The following PPP1R3A variants were observed in gnomAD, a reference collection of about 807,000 sequenced individuals.
PPP1R3A encodes the protein protein phosphatase 1 regulatory subunit 3A.
In PPP1R3A, 29 loss-of-function variants were observed where a neutral mutation model predicts 41.7. The ratio of observed to expected loss-of-function variants is 0.70; its 90% CI spans 0.52 to 0.95. PPP1R3A has a LOEUF of 0.95. Among genes scored for constraint, PPP1R3A ranks in the 40% least tolerant of loss-of-function variants. PPP1R3A has a pLI of 0.00. For missense variants in PPP1R3A, 1,352 were observed against 1,292.4 expected, an observed-to-expected ratio of 1.05 and a Z score of -0.71; for synonymous variants, 485 against 453.4, an observed-to-expected ratio of 1.07 and a Z score of -0.89.
chr7:113,904,108 G>A (rs1247891260), intron 1 of PPP1R3A, among the ~76,000 whole-genome samples: 17 of 151,666 alleles, frequency 1.1e-4, no homozygotes, highest in Admixed American at 1.1e-3. Flanking sequence ...AACTTCTCAT[G>A]TGTACAAATA....
Position 113,877,982 on chromosome 7 carries a change from G to C in PPP1R3A, c.3110C>G (p.Ser1037Ter), listed in dbSNP as rs145569602. 33 of 1,613,346 alleles carry C rather than the reference G, an allele frequency of 2.0e-5. No individual in the cohort carries two copies. In the African/African-American group the frequency reaches 3.9e-4, roughly 19 times the overall value. ...TTCCTTTTCACCTGAAGTGTATAGT[G>C]ATTGCCCAGAGCTTACTAATCCTTC... ...ENEGLVSSGQ[S>*]LYTSGEKESD... is the part of the protein sequence containing the mutation. Residue 1037 changes from serine to a stop codon, truncating the protein, a stop_gained, in exon 4 of 4, where the codon TCA (serine) becomes TGA (stop). Transcript: ENST00000284601. LOFTEE classifies it high-confidence loss of function.
At position 113,877,002 on chromosome 7, in the gene PPP1R3A, G is replaced by T. The variant is rs913219741; in HGVS notation, c.*721C>A. 1 of 151,888 alleles carries T rather than the reference G, an allele frequency of 6.6e-6. No individual in the cohort carries two copies. The highest frequency in any genetic ancestry group is 2.4e-5 in the African/African-American group (1 of 41,396). 9.4% of individuals were successfully genotyped at this position (151,888 alleles called of 1,614,324 possible). On this transcript the variant is annotated 3_prime_UTR_variant, in exon 4 of 4. Coordinates refer to ENST00000284601, the MANE Select transcript of PPP1R3A (RefSeq NM_002711.4). ...TCTTCCCTCACAAGAGAAAAGCATT[G>T]CTTAAAGACAGGCCACCCACAGAAT...
intron 1 of PPP1R3A, among the ~76,000 whole-genome samples, chr7:113,888,306 G>C (rs1316337820): frequency 6.6e-6 from 1 of 151,362 alleles, no homozygotes; most frequent in South Asian, 2.1e-4. Context: ...AAACTGGACG[G>C]GATGAGCCAC....
chr7:113,889,162 AT>A (rs1449684819), intron 1 of PPP1R3A, among the ~76,000 whole-genome samples: 1 of 152,146 alleles, frequency 6.6e-6, no homozygotes, highest in Non-Finnish European at 1.5e-5. Context: ...ACAACAATGC[AT>A]CTCACTGCCC....
At chr7:113,912,254 C>G (rs2129120821) in intron 1 of PPP1R3A, among the ~76,000 whole-genome samples, 1 of 152,182 alleles carries the variant, frequency 6.6e-6, no homozygotes, top group South Asian at 2.1e-4. Context: ...GCTCTAAAAT[C>G]AGACATTTCC....
chr7:113,911,144 C>G (rs1326291324), intron 1 of PPP1R3A, among the ~76,000 whole-genome samples: 2 of 152,028 alleles, frequency 1.3e-5, no homozygotes, highest in Non-Finnish European at 2.9e-5. Context: ...TGTCCCTGAG[C>G]AATGCAGTAT....
chr7:113,879,103 T>C lies in PPP1R3A; in HGVS notation c.1989A>G (p.Gly663=). The C allele has an allele frequency of 6.2e-7, 1 of 1,613,828 alleles. No individual in the cohort carries two copies. Among genetic ancestry groups the C allele is most frequent in the Non-Finnish European group, 8.5e-7 (1 of 1,179,816 alleles). ...KQSWNVLESQ[G]KSRENKTNIT... ...TGTTTGTCTTATTCTCTCTTGATTT[T>C]CCCTGACTTTCCAGAACATTCCAAC... Residue 663 remains glycine, a synonymous_variant, in exon 4 of 4, where the codon GGA becomes GGG. Coordinates refer to ENST00000284601, the MANE Select transcript of PPP1R3A (RefSeq NM_002711.4).
rs369359408 is a variant in PPP1R3A at position 113,878,066 on chromosome 7, C to G, written c.3026G>C (p.Gly1009Ala). Reference sequence around the variant, plus strand: ...AGGTTTGTTGATTAAAATCATTGGCCCTAGAGATTTTTCCACACTATACTC... The same window carrying G: ...AGGTTTGTTGATTAAAATCATTGGCGCTAGAGATTTTTCCACACTATACTC... ...TEEYSVEKSL[G>A]PMILINKPLE... Residue 1009 changes from glycine (G) to alanine (A), a missense_variant, in exon 4 of 4, where the codon GGG (glycine) becomes GCG (alanine). By Grantham distance (60) the Gly-to-Ala change is moderately conservative. Transcript: ENST00000284601. The G allele has an allele frequency of 1.1e-5, 17 of 1,613,054 alleles. No homozygotes were observed. Among genetic ancestry groups the G allele is most frequent in the Non-Finnish European group, 1.4e-5 (17 of 1,179,616 alleles).
At position 113,918,332 on chromosome 7, in the gene PPP1R3A, T is replaced by G; in HGVS notation, c.665A>C (p.Asn222Thr). ...AATGAATGTATAATTTGTGCCATTA[T>G]TATTTGACCAAAATGTACCAACAGA... ...ETSVGTFWSN[N>T]NGTNYTFICQ... The change falls in exon 1 of 4, where the codon AAT becomes ACT. Residue 222 changes from asparagine to threonine, a missense_variant. Physicochemically the swap from Asn to Thr is moderately conservative, Grantham distance 65. Transcript: ENST00000284601. The G allele has an allele frequency of 6.2e-7, 1 of 1,613,320 alleles. No individual in the cohort carries two copies. Among genetic ancestry groups the G allele is most frequent in the South Asian group, 1.1e-5 (1 of 91,040 alleles).
At position 113,880,056 on chromosome 7, in the gene PPP1R3A, G is replaced by T. The variant is rs777406012; in HGVS notation, c.1036C>A (p.Pro346Thr). The T allele has an allele frequency of 6.2e-7, 1 of 1,610,458 alleles. No individual in the cohort carries two copies. The highest frequency in any genetic ancestry group is 2.2e-5 in the East Asian group (1 of 44,750). Reference protein sequence around the residue: ...RDERNTFSTDPVNFPNKAEGL... With the variant: ...RDERNTFSTDTVNFPNKAEGL... ...TCTGCTTTATTTGGAAAATTGACTG[G>T]ATCTGTTGAAAATGTATTCCTTTCA... is the stretch of plus-strand genomic sequence containing the variant. The change falls in exon 4 of 4, where the codon CCA (proline) becomes ACA (threonine). Residue 346 changes from proline (P) to threonine (T), a missense_variant. Physicochemically the swap from Pro to Thr is conservative, Grantham distance 38 (BLOSUM62 -1). Coordinates refer to ENST00000284601, the MANE Select transcript of PPP1R3A (RefSeq NM_002711.4).
rs1241658252 is a variant in PPP1R3A, at chr7:113,915,600, T to TATACATATATATACAC, written c.782+2599_782+2614dup. Among the ~76,000 whole-genome samples the TATACATATATATACAC allele has an allele frequency of 9.3e-4, 138 of 148,850 alleles. 1 individual carries two copies. In the East Asian group the frequency reaches 0.014, roughly 15 times the overall value. The stretch of plus-strand genomic sequence containing the variant: ...ACATACATATACATACATATATACA[T>TATACATATATATACAC]ATACATATATATACACATACATATA... On this transcript the variant is annotated intron_variant, in intron 1 of 3. Transcript: ENST00000284601.
Position 113,918,792 on chromosome 7 carries a change from A to T in PPP1R3A, c.205T>A (p.Ser69Thr). The change falls in exon 1 of 4, where the codon TCC becomes ACC. Residue 69 changes from serine (S) to threonine (T), a missense_variant. Transcript: ENST00000284601. ...SGTRRVSFADSFGFNLVSVKE... is the reference protein window; with the variant it reads ...SGTRRVSFADTFGFNLVSVKE... ...ACAGACACAAGATTGAATCCAAAGGAATCAGCAAATGAAACTCTTCTAGTA... is the reference window on the plus strand; with the variant it reads ...ACAGACACAAGATTGAATCCAAAGGTATCAGCAAATGAAACTCTTCTAGTA... 6.2e-7 allele frequency: 1 copy of T among 1,613,870 alleles called. No individual in the cohort carries two copies. Among genetic ancestry groups the T allele is most frequent in the Non-Finnish European group, 8.5e-7 (1 of 1,179,830 alleles).
At chr7:113,892,815 CAG>C (rs1304813019) in intron 1 of PPP1R3A, among the ~76,000 whole-genome samples, 1 of 152,012 alleles carries the variant, frequency 6.6e-6, no homozygotes, top group Non-Finnish European at 1.5e-5. Flanking sequence ...TCAAGAGAAA[CAG>C]TGAGAATTTA....
Position 113,877,894 on chromosome 7 carries a change from A to G in PPP1R3A, c.3198T>C (p.Ser1066=), listed in dbSNP as rs766697993. The G allele has an allele frequency of 2.5e-6, 4 of 1,612,646 alleles. No individual in the cohort carries two copies. The highest frequency in any genetic ancestry group is 3.4e-6 in the Non-Finnish European group (4 of 1,179,054). ...TAGAGTTGGTATATTTTGAAAACAA[A>G]GATTCGTTGCCTTGAGCTTGACTTT... The part of the protein sequence containing the change: ...VEESQAQGNE[S]LFSKYTNSKI... The change falls in exon 4 of 4, where the codon TCT becomes TCC. Residue 1066 remains serine, a synonymous_variant. Transcript: ENST00000284601.
In PPP1R3A at chr7:113,882,336, G is replaced by T. The variant is rs1168336273; in HGVS notation, c.783-16C>A. 4 of 1,401,624 alleles carry T rather than the reference G, an allele frequency of 2.9e-6. No individual in the cohort carries two copies. The African/African-American group carries it at 4.3e-5, about 15-fold the overall frequency. The allele number at this position is 1,401,624 out of a possible 1,614,324, so 86.8% of individuals were successfully genotyped here. ...TTCTTCTTTACTGTTAAATTTAAAA[G>T]AAAATGTTATATGTTTTTCTGGGAC... On this transcript the variant is annotated splice_polypyrimidine_tract_variant and intron_variant, in intron 1 of 3. Coordinates refer to ENST00000284601, the MANE Select transcript of PPP1R3A (RefSeq NM_002711.4).
chr7:113,882,366 T>A (rs746220710), intron 1 of PPP1R3A, 46 bp from the exon 2 acceptor site: 28 of 1,161,174 alleles, frequency 2.4e-5, no homozygotes, highest in Non-Finnish European at 6.4e-6. Flanking sequence ...TGGGACTGCA[T>A]CTTCTAAGTA....
At chr7:113,907,871 T>C (rs1797171786) in intron 1 of PPP1R3A, among the ~76,000 whole-genome samples, 1 of 151,846 alleles carries the variant, frequency 6.6e-6, no homozygotes, top group Non-Finnish European at 1.5e-5. Flanking sequence ...GACACAAAAA[T>C]ATCTGGTAAG....
At position 113,878,806 on chromosome 7, in the gene PPP1R3A, A is replaced by G; in HGVS notation, c.2286T>C (p.Ser762=). The change falls in exon 4 of 4, where the codon AGT becomes AGC. Residue 762 remains serine (S), a synonymous_variant. Transcript: ENST00000284601. Reference sequence around the variant, plus strand: ...TTTCCTTTACCTCGATGGGCCTGTCACTTCGTGCTGTCTCTTGAGGTAGCT... The same window carrying G: ...TTTCCTTTACCTCGATGGGCCTGTCGCTTCGTGCTGTCTCTTGAGGTAGCT... The part of the protein sequence containing the change: ...IAKLPQETAR[S]DRPIEVKETA... 6.2e-7 allele frequency: 1 copy of G among 1,613,586 alleles called. No individual in the cohort carries two copies. The highest frequency in any genetic ancestry group is 1.3e-5 in the African/African-American group (1 of 74,986).
In PPP1R3A at chr7:113,877,416, A is replaced by C. The variant is rs1796584833; in HGVS notation, c.*307T>G. 1.7e-5 allele frequency: 4 copies of C among 235,080 alleles called. 1 individual carries two copies. In the South Asian group the frequency reaches 6.4e-4, roughly 37 times the overall value. 14.6% of individuals were successfully genotyped at this position (235,080 alleles called of 1,614,324 possible). A position where few individuals can be genotyped will look rare whatever the true frequency, so the allele number is the denominator to read the frequency against. ...AAGAGAAATGAATGCAAGAAATAGC[A>C]CTTTAAGTAGTGAAGAGATGTGAAG... On this transcript the variant is annotated 3_prime_UTR_variant, in exon 4 of 4. Coordinates refer to ENST00000284601, the MANE Select transcript of PPP1R3A (RefSeq NM_002711.4).
Sources: gnomAD v4.1 joint callset for allele counts (sites outside exome capture counted in the v4.1 genomes callset) on GRCh38, gnomAD v4.1.1 for gene constraint, MANE v1.5 for transcripts, NCBI Gene and HGNC (gene_info 2026-07-23, HGNC 2026-07-21) for gene names.